ATP8A2: variants seen among roughly 807,000 people sequenced by gnomAD.
The protein encoded by ATP8A2 is ATPase phospholipid transporting 8A2, also known as phospholipid-transporting ATPase IB.
ATP8A2 carries 100 observed loss-of-function variants against 165.6 expected under a neutral mutation model. The ratio of observed to expected loss-of-function variants is 0.60; its 90% CI spans 0.51 to 0.71. The LOEUF (loss-of-function observed/expected upper bound fraction) is 0.71, where lower values mean the gene tolerates loss of function less well. ATP8A2 is among the 30% of genes least tolerant of loss of function. The probability of loss-of-function intolerance (pLI) is 0.00; values close to 1 mark genes in which losing one functional copy is unlikely to be tolerated. For synonymous variants in ATP8A2, 543 were observed against 548.8 expected (o/e 0.99, Z 0.15); for missense variants, 1,227 against 1,479.5 (o/e 0.83, Z 2.80).
At chr13:25,428,384 G>A (rs576804988) in intron 1 of ATP8A2, among the ~76,000 whole-genome samples, 2 of 152,268 alleles carry the variant, frequency 1.3e-5, no homozygotes, top group African/African-American at 2.4e-5. Flanking sequence ...CAGTAAATGC[G>A]AATGGAGCAC....
chr13:25,425,166 T>C (rs1405629592), intron 1 of ATP8A2, among the ~76,000 whole-genome samples: 1 of 152,286 alleles, frequency 6.6e-6, no homozygotes, highest in East Asian at 1.9e-4. Flanking sequence ...ATACTCTGTG[T>C]GTAAGTCTCA....
At chr13:25,775,934 G>A (rs958374367) in intron 27 of ATP8A2, among the ~76,000 whole-genome samples, 2 of 152,220 alleles carry the variant, frequency 1.3e-5, no homozygotes, top group Non-Finnish European at 2.9e-5. Context: ...TTCTTTACCC[G>A]GTTGTCTAAT....
intron 24 of ATP8A2, among the ~76,000 whole-genome samples, chr13:25,638,756 T>C (rs1241634834): frequency 1.3e-5 from 2 of 151,892 alleles, no homozygotes; most frequent in African/African-American, 4.8e-5. Flanking sequence ...ATACAGAGAA[T>C]GCCACAAAGA....
At chr13:25,864,524 A>G (rs1215015938) in intron 33 of ATP8A2, among the ~76,000 whole-genome samples, 2 of 152,240 alleles carry the variant, frequency 1.3e-5, no homozygotes, top group Admixed American at 6.5e-5. Flanking sequence ...GCTCAGATTA[A>G]TGGTGACATT....
Position 25,512,503 on chromosome 13 carries a change from C to T in ATP8A2, c.222-17496C>T, listed in dbSNP as rs1476456481. Among the ~76,000 whole-genome samples the T allele has an allele frequency of 2.1e-4, 32 of 150,472 alleles. No individual in the cohort carries two copies. In the East Asian group the frequency reaches 3.2e-3, roughly 15 times the overall value. ...CTCCCGGACGGGGCGGCTGGCTGGG[C>T]GGGGGGCTGACCTCCCCACCTCCCT... is the stretch of plus-strand genomic sequence containing the variant. On this transcript the variant is annotated intron_variant, in intron 2 of 36. Transcript: ENST00000381655.
chr13:25,395,750 G>T (rs2033400577), intron 1 of ATP8A2, among the ~76,000 whole-genome samples: 1 of 152,054 alleles, frequency 6.6e-6, no homozygotes, highest in Non-Finnish European at 1.5e-5. Flanking sequence ...TTGCTCAGGG[G>T]TGTCTCAAAC....
intron 29 of ATP8A2, among the ~76,000 whole-genome samples, chr13:25,838,080 CA>C (rs1226759027): frequency 2.0e-5 from 3 of 152,290 alleles, no homozygotes; most frequent in Admixed American, 2.0e-4. Context: ...GGTCTTTGCG[CA>C]GGGGGGATTC....
chr13:25,499,688 T>A (rs1326451391), intron 2 of ATP8A2, among the ~76,000 whole-genome samples: 1 of 152,238 alleles, frequency 6.6e-6, no homozygotes, highest in Non-Finnish European at 1.5e-5. Flanking sequence ...ACACACGTAC[T>A]GGTTCTCCTC....
chr13:25,928,992 A>G (rs1411414798), intron 33 of ATP8A2, among the ~76,000 whole-genome samples: 2 of 152,012 alleles, frequency 1.3e-5, no homozygotes, highest in East Asian at 3.9e-4. Context: ...TGTATCATCT[A>G]TCTTCTCTGT....
rs1309441848 is a variant in ATP8A2 at position 26,008,308 on chromosome 13, A to G, written c.3378-4223A>G. 4.6e-5 allele frequency among the ~76,000 whole-genome samples: 7 copies of G among 152,228 alleles called. No homozygotes were observed. In the East Asian group the frequency reaches 1.3e-3, roughly 29 times the overall value. ...AAAAGCAAGAGAAGGGTAGTATGTAAGAACAGGTGGATTTGGAAGAAAAAT... is the reference window on the plus strand; with the variant it reads ...AAAAGCAAGAGAAGGGTAGTATGTAGGAACAGGTGGATTTGGAAGAAAAAT... On this transcript the variant is annotated intron_variant, in intron 35 of 36. Transcript: ENST00000381655.
At chr13:25,502,982 A>T (rs1213778292) in intron 2 of ATP8A2, among the ~76,000 whole-genome samples, 1 of 152,106 alleles carries the variant, frequency 6.6e-6, no homozygotes, top group Non-Finnish European at 1.5e-5. Flanking sequence ...GGAAGACTTG[A>T]CCAAACTTTT....
intron 35 of ATP8A2, among the ~76,000 whole-genome samples, chr13:25,992,653 T>A (rs1387785014): frequency 6.7e-6 from 1 of 150,304 alleles, no homozygotes; most frequent in Non-Finnish European, 1.5e-5. Context: ...GATACTCTCC[T>A]ATTTTTTTCC....
At chr13:25,549,233 G>T (rs2038744966) in intron 10 of ATP8A2, among the ~76,000 whole-genome samples, 1 of 152,126 alleles carries the variant, frequency 6.6e-6, no homozygotes, top group African/African-American at 2.4e-5. Flanking sequence ...GCCAAGACGG[G>T]CAGATGACAA....
chr13:25,700,590 T>C (rs2042931144), intron 25 of ATP8A2, among the ~76,000 whole-genome samples: 1 of 152,204 alleles, frequency 6.6e-6, no homozygotes, highest in Admixed American at 6.5e-5. Flanking sequence ...TAACACATGT[T>C]TATCCATTTC....
chr13:25,436,677 C>T (rs2034786078), intron 1 of ATP8A2, among the ~76,000 whole-genome samples: 1 of 152,164 alleles, frequency 6.6e-6, no homozygotes, highest in Admixed American at 6.5e-5. Flanking sequence ...TTTGAGAAAT[C>T]TCCAAACTGC....
At chr13:25,515,443 C>G (rs886906675) in intron 2 of ATP8A2, among the ~76,000 whole-genome samples, 2 of 152,258 alleles carry the variant, frequency 1.3e-5, no homozygotes, top group Non-Finnish European at 2.9e-5. Context: ...TTCTTCCTGC[C>G]TCGCAGGCCA....
intron 24 of ATP8A2, among the ~76,000 whole-genome samples, chr13:25,618,564 G>A (rs2137441450): frequency 6.6e-6 from 1 of 151,880 alleles, no homozygotes; most frequent in South Asian, 2.1e-4. Flanking sequence ...CATCTCATTA[G>A]CAACTTTGTC....
At chr13:25,907,193 C>G (rs780267664) in intron 33 of ATP8A2, among the ~76,000 whole-genome samples, 20 of 152,016 alleles carry the variant, frequency 1.3e-4, no homozygotes, top group Non-Finnish European at 8.8e-5. Context: ...CTGTGCTACC[C>G]GTGTGGAGAT....
chr13:25,507,840 G>A (rs2037099018), intron 2 of ATP8A2, among the ~76,000 whole-genome samples: 1 of 152,130 alleles, frequency 6.6e-6, no homozygotes, highest in Admixed American at 6.5e-5. Flanking sequence ...ATATACAAAT[G>A]AGTAGTCTAG....
Sources: allele counts gnomAD v4.1 joint callset (sites outside exome capture counted in the v4.1 genomes callset), GRCh38; gene constraint gnomAD v4.1.1; transcripts MANE v1.5; gene names NCBI Gene and HGNC (gene_info 2026-07-23, HGNC 2026-07-21).